Variants in DIP2C observed in about 807,000 individuals in gnomAD.
DIP2C encodes the protein disco-interacting protein 2 homolog C.
A neutral mutation model predicts 192.4 loss-of-function variants in DIP2C; 33 were observed. That is an observed-to-expected ratio of 0.17 (90% CI 0.13 to 0.23). The LOEUF is 0.23. Among genes scored for constraint, DIP2C ranks in the 10% least tolerant of loss-of-function variants. The probability of loss-of-function intolerance (pLI) is 1.00; values close to 1 mark genes in which losing one functional copy is unlikely to be tolerated. For missense variants in DIP2C, 1,537 were observed against 2,110.1 expected, an observed-to-expected ratio of 0.73 and a Z score of 5.32; for synonymous variants, 979 against 864.1, an observed-to-expected ratio of 1.13 and a Z score of -2.33.
intron 32 of DIP2C, among the ~76,000 whole-genome samples, chr10:288,673 G>A (rs1297929137): frequency 1.3e-5 from 2 of 152,194 alleles, no homozygotes; most frequent in African/African-American, 2.4e-5. Flanking sequence ...ATGACTCTGA[G>A]CTGAAAGTAA....
chr10:553,048 C>G (rs1056275520), intron 1 of DIP2C, among the ~76,000 whole-genome samples: 5 of 152,204 alleles, frequency 3.3e-5, no homozygotes. Flanking sequence ...TCTATTTTGC[C>G]TCCCACACAG....
At chr10:290,014 C>T (rs1214358788) in intron 32 of DIP2C, among the ~76,000 whole-genome samples, 1 of 152,240 alleles carries the variant, frequency 6.6e-6, no homozygotes, top group Non-Finnish European at 1.5e-5. Flanking sequence ...GACAGAAGCA[C>T]CCGTGCCGGG....
At chr10:602,037 G>A (rs527300120) in intron 1 of DIP2C, among the ~76,000 whole-genome samples, 65 of 150,426 alleles carry the variant, frequency 4.3e-4, no homozygotes, top group Non-Finnish European at 7.5e-4. Context: ...CTGCAAGTCA[G>A]CCTAAGCCAC....
intron 13 of DIP2C, among the ~76,000 whole-genome samples, chr10:388,018 T>G (rs1963124387): frequency 6.6e-6 from 1 of 152,214 alleles, no homozygotes; most frequent in Non-Finnish European, 1.5e-5. Context: ...TCCTGACACA[T>G]GAGTGAGCAG....
At chr10:348,495 A>C in intron 26 of DIP2C, 146 bp downstream of exon 26, 18 of 1,270,882 alleles carry the variant, frequency 1.4e-5, no homozygotes, top group Non-Finnish European at 1.6e-5. Context: ...CCCTGCAGGT[A>C]GAGACCCTGT....
chr10:647,045 T>C (rs763299511), intron 1 of DIP2C, among the ~76,000 whole-genome samples: 39 of 152,174 alleles, frequency 2.6e-4, no homozygotes, highest in Non-Finnish European at 4.3e-4. Flanking sequence ...CATTTGACAG[T>C]AGGAGAGAAC....
chr10:436,517 T>C (rs1191622442), intron 4 of DIP2C, among the ~76,000 whole-genome samples: 2 of 151,116 alleles, frequency 1.3e-5, no homozygotes, highest in Non-Finnish European at 3.0e-5. Context: ...CTCCTGGACG[T>C]AGTAGGGTGG....
intron 1 of DIP2C, among the ~76,000 whole-genome samples, chr10:638,126 G>A (rs539654417): frequency 3.2e-4 from 48 of 152,278 alleles, no homozygotes; most frequent in African/African-American, 1.1e-3. Context: ...CACCGAGTCT[G>A]AGAACATGTT....
At chr10:614,398 G>C (rs1462148318) in intron 1 of DIP2C, among the ~76,000 whole-genome samples, 1 of 152,248 alleles carries the variant, frequency 6.6e-6, no homozygotes, top group African/African-American at 2.4e-5. Context: ...CAGTACCCAA[G>C]TCTAACAGTG....
At chr10:417,507 G>A (rs907221648) in intron 6 of DIP2C, among the ~76,000 whole-genome samples, 1 of 152,198 alleles carries the variant, frequency 6.6e-6, no homozygotes, top group Non-Finnish European at 1.5e-5. Flanking sequence ...CTGGCAATCA[G>A]GGCGATTTCA....
chr10:487,997 T>TA (rs367780765), intron 1 of DIP2C, among the ~76,000 whole-genome samples: 17 of 152,342 alleles, frequency 1.1e-4, no homozygotes, highest in African/African-American at 3.6e-4. Flanking sequence ...TCAGTTGCTT[T>TA]TGGAAATGCC....
intron 1 of DIP2C, among the ~76,000 whole-genome samples, chr10:501,100 G>T (rs866388410): frequency 1.3e-5 from 2 of 152,258 alleles, no homozygotes; most frequent in South Asian, 4.2e-4. Context: ...AACCCTCCAG[G>T]AAACACTGAG....
At chr10:659,076 ACACT>A (rs1331756264) in intron 1 of DIP2C, among the ~76,000 whole-genome samples, 3 of 152,234 alleles carry the variant, frequency 2.0e-5, no homozygotes, top group Non-Finnish European at 4.4e-5. Flanking sequence ...TGCACATACA[ACACT>A]CAAACACACA....
chr10:382,114 A>G (rs903103616), intron 17 of DIP2C, among the ~76,000 whole-genome samples: 2 of 152,258 alleles, frequency 1.3e-5, no homozygotes, highest in African/African-American at 4.8e-5. Context: ...GGTGCATGAC[A>G]TGAGATTGTC....
chr10:444,461 G>T (rs952836622), intron 3 of DIP2C, among the ~76,000 whole-genome samples: 4 of 138,352 alleles, frequency 2.9e-5, no homozygotes, highest in Admixed American at 2.2e-4. Flanking sequence ...ATCACATGGA[G>T]CCCACGCCAT....
At chr10:394,203 C>A (rs1174896866) in intron 10 of DIP2C, among the ~76,000 whole-genome samples, 2 of 152,228 alleles carry the variant, frequency 1.3e-5, no homozygotes, top group South Asian at 2.1e-4. Context: ...GCAGGCAGAG[C>A]CGGCACACTG....
chr10:518,828 C>T (rs1337516754), intron 1 of DIP2C, among the ~76,000 whole-genome samples: 1 of 152,224 alleles, frequency 6.6e-6, no homozygotes, highest in Non-Finnish European at 1.5e-5. Context: ...TGTCTCTCCT[C>T]ACCGCCACCA....
In DIP2C at chr10:275,016, TCTAA is replaced by T. The variant is rs1456731319; in HGVS notation, c.*2305_*2308del. On this transcript the variant is annotated 3_prime_UTR_variant, in exon 37 of 37. Coordinates refer to ENST00000280886, the MANE Select transcript of DIP2C (RefSeq NM_014974.3). ...TCCACCAACTCTTTTGAGCCTAAAC[TCTAA>T]CTAATCAGAGTTGACAGGATGCAGA... 2 of 152,238 alleles carry T rather than the reference TCTAA, an allele frequency of 1.3e-5. No homozygotes were observed. Among genetic ancestry groups the T allele is most frequent in the East Asian group, 1.9e-4 (1 of 5,206 alleles). The allele number at this position is 152,238 out of a possible 1,614,324, so 9.4% of individuals were successfully genotyped here. A position where few individuals can be genotyped will look rare whatever the true frequency, so the allele number is the denominator to read the frequency against.
intron 36 of DIP2C, among the ~76,000 whole-genome samples, chr10:278,649 G>A (rs1954652687): frequency 6.6e-6 from 1 of 152,232 alleles, no homozygotes; most frequent in Admixed American, 6.5e-5. Flanking sequence ...CATGTGCAGG[G>A]AAAAGTCTTC....
Sources: gnomAD v4.1 joint callset for allele counts (sites outside exome capture counted in the v4.1 genomes callset) on GRCh38, gnomAD v4.1.1 for gene constraint, MANE v1.5 for transcripts, NCBI Gene and HGNC (gene_info 2026-07-23, HGNC 2026-07-21) for gene names.